SYNE1: variants seen among roughly 807,000 people sequenced by gnomAD.
SYNE1 encodes nesprin-1.
SYNE1 carries 616 observed loss-of-function variants against 1,111.0 expected under a neutral mutation model. That is an observed-to-expected ratio of 0.55 (90% CI 0.52 to 0.59). The LOEUF (loss-of-function observed/expected upper bound fraction) is 0.59. SYNE1 is among the 20% of genes least tolerant of loss of function. The pLI is 0.00. For missense variants in SYNE1, 10,006 were observed against 10,417.0 expected, an observed-to-expected ratio of 0.96 and a Z score of 1.72; for synonymous variants, 3,855 against 3,825.8, an observed-to-expected ratio of 1.01 and a Z score of -0.28.
chr6:152,284,979 G>A (rs1020581188), intron 95 of SYNE1, among the ~76,000 whole-genome samples: 10 of 151,934 alleles, frequency 6.6e-5, no homozygotes, highest in African/African-American at 9.7e-5. Context: ...GGTCTCTCCC[G>A]GGTGATGTCT....
At chr6:152,527,054 T>G (rs2099166909) in intron 4 of SYNE1, among the ~76,000 whole-genome samples, 1 of 152,236 alleles carries the variant, frequency 6.6e-6, no homozygotes. Flanking sequence ...AATCAGAATT[T>G]GTTTTCCATT....
At position 152,262,136 on chromosome 6, in the gene SYNE1, A is replaced by G. The variant is rs1248378402; in HGVS notation, c.18868T>C (p.Ser6290Pro). Reference protein sequence around the residue: ...QELGMEGEKSSAEDQMRMKWE... With the variant: ...QELGMEGEKSPAEDQMRMKWE... Reference sequence around the variant, plus strand: ...TTCATTCTCATCTGGTCTTCAGCGGATGATTTCTCCCCTTCCATCCCCAAC... The same window carrying G: ...TTCATTCTCATCTGGTCTTCAGCGGGTGATTTCTCCCCTTCCATCCCCAAC... Residue 6290 changes from serine (S) to proline (P), a missense_variant, in exon 101 of 146, where the codon TCC becomes CCC. Physicochemically the swap from Ser to Pro is moderately conservative, Grantham distance 74. Around this residue, in one of 7 missense-constraint regions of SYNE1, gnomAD observed 2,182 missense variants for 2,287.8 expected, o/e 0.95. Transcript: ENST00000367255. The G allele has an allele frequency of 6.2e-7, 1 of 1,613,896 alleles. No homozygotes were observed. The highest frequency in any genetic ancestry group is 2.2e-5 in the East Asian group (1 of 44,844).
At chr6:152,536,364 ATATATATATAGTAATATATATATATT>A (rs1398171724) in intron 4 of SYNE1, among the ~76,000 whole-genome samples, 4 of 88,052 alleles carry the variant, frequency 4.5e-5, no homozygotes, top group African/African-American at 1.7e-4. Flanking sequence ...TAGTATACTA[ATATATATATAGTAATATATATATATT>A]TATATATATA....
intron 3 of SYNE1, among the ~76,000 whole-genome samples, chr6:152,588,202 G>A (rs556435961): frequency 2.6e-5 from 4 of 152,230 alleles, no homozygotes; most frequent in South Asian, 2.1e-4. Context: ...TAGGACTAAG[G>A]TGGGCAGCAG....
At position 152,409,662 on chromosome 6, in the gene SYNE1, T is replaced by A. The variant is rs193184131; in HGVS notation, c.6278A>T (p.Asn2093Ile). The change falls in exon 43 of 146, where the codon AAC becomes ATC. Residue 2093 changes from asparagine (N) to isoleucine (I), a missense_variant. Physicochemically the swap from Asn to Ile is moderately radical, Grantham distance 149 (BLOSUM62 -3). This residue lies in a region of SYNE1 where 4,955 missense variants were observed against 5,017.2 expected (regional missense o/e 0.99). Coordinates refer to ENST00000367255, the MANE Select transcript of SYNE1 (RefSeq NM_182961.4). ...GACTTTAGATACAGCTGATTTCAGG[T>A]TCTGATATTCTCTCATTAAGTCAAT... ...GLIDLMREYQNLKSAVSKVLE... is the reference protein window; with the variant it reads ...GLIDLMREYQILKSAVSKVLE... 6 of 1,613,866 alleles carry A rather than the reference T, an allele frequency of 3.7e-6. No individual in the cohort carries two copies. Among genetic ancestry groups the A allele is most frequent in the Middle Eastern group, 1.7e-4 (1 of 6,044 alleles).
chr6:152,553,332 T>A (rs1350672754), intron 3 of SYNE1, among the ~76,000 whole-genome samples: 1 of 152,170 alleles, frequency 6.6e-6, no homozygotes, highest in African/African-American at 2.4e-5. Flanking sequence ...TATCTGGAGA[T>A]AGGCAATGTA....
At chr6:152,381,478 A>T in intron 55 of SYNE1, 116 bp from the exon 56 acceptor site, 4 of 982,020 alleles carry the variant, frequency 4.1e-6, no homozygotes, top group Non-Finnish European at 4.8e-6. Flanking sequence ...CAAGTGTGCC[A>T]CAAGGACCCA....
intron 22 of SYNE1, 94 bp downstream of exon 22, chr6:152,458,663 C>G: frequency 1.5e-6 from 2 of 1,358,336 alleles, no homozygotes; most frequent in Non-Finnish European, 2.1e-6. Context: ...AAAAATGTTT[C>G]TTGTCCTCAC....
Position 152,155,358 on chromosome 6 carries a change from T to G in SYNE1, c.23979-316A>C, listed in dbSNP as rs572291703. ...AAGTTTAGAAAAGCAACACCAGGTTTACAGTGTGCACTCAGGCCAGTGTCT... is the reference window on the plus strand; with the variant it reads ...AAGTTTAGAAAAGCAACACCAGGTTGACAGTGTGCACTCAGGCCAGTGTCT... On this transcript the variant is annotated intron_variant, in intron 132 of 145. Coordinates refer to ENST00000367255, the MANE Select transcript of SYNE1 (RefSeq NM_182961.4). 3.7e-5 allele frequency: 14 copies of G among 377,282 alleles called. No individual in the cohort carries two copies. In the East Asian group the frequency reaches 7.9e-4, roughly 21 times the overall value. 23.4% of individuals were successfully genotyped at this position (377,282 alleles called of 1,614,324 possible).
At chr6:152,401,108 G>A (rs1199901844) in intron 47 of SYNE1, 30 bp downstream of exon 47, 1 of 1,599,574 alleles carries the variant, frequency 6.3e-7, no homozygotes, top group South Asian at 1.1e-5. Flanking sequence ...CCATTTGAAT[G>A]GAAGCACTTA....
rs763571616 is a variant in SYNE1, at chr6:152,369,022, T to C, written c.9757A>G (p.Arg3253Gly). 6.2e-7 allele frequency: 1 copy of C among 1,614,098 alleles called. No homozygotes were observed. The highest frequency in any genetic ancestry group is 8.5e-7 in the Non-Finnish European group (1 of 1,180,042). The change falls in exon 61 of 146, where the codon AGA (arginine) becomes GGA (glycine). Residue 3253 changes from arginine to glycine, a missense_variant. By Grantham distance (125) the Arg-to-Gly change is moderately radical (BLOSUM62 -2). Around this residue, in one of 7 missense-constraint regions of SYNE1, gnomAD observed 4,955 missense variants for 5,017.2 expected, o/e 0.99. Transcript: ENST00000367255. The stretch of plus-strand genomic sequence containing the variant: ...TACTGAGAAGACAGCTGCGACACTC[T>C]GTGCCTAAAGCTCTTGCTGGCAGCT... ...GQAASKSFRH[R>G]VSQLSSQYLA...
chr6:152,511,119 A>G lies in SYNE1; in HGVS notation c.310-16T>C. On this transcript the variant is annotated splice_polypyrimidine_tract_variant and intron_variant, in intron 6 of 145. Transcript: ENST00000367255. ...CTAATTTAATCTGTTTAAAAAAGAG[A>G]AACTGTACTAGTAATGTACTAGAAT... 1 of 1,594,594 alleles carries G rather than the reference A, an allele frequency of 6.3e-7. No homozygotes were observed. Among genetic ancestry groups the G allele is most frequent in the Non-Finnish European group, 8.6e-7 (1 of 1,162,268 alleles).
intron 3 of SYNE1, among the ~76,000 whole-genome samples, chr6:152,542,478 C>A (rs999536499): frequency 1.3e-5 from 2 of 152,022 alleles, no homozygotes; most frequent in Non-Finnish European, 1.5e-5. Context: ...TTTTAATTAT[C>A]ATTTATTTAT....
At position 152,151,650 on chromosome 6, in the gene SYNE1, T is replaced by TCCC. The variant is rs781265723; in HGVS notation, c.24350_24352dup (p.Arg8117_Asp8118insGly). ...CTCTGTGAGCCAGACCAGAATGCTG[T>TCCC]CCCGCGCAGTCTCAAACTCCTCACG... On this transcript the variant is annotated inframe_insertion, in exon 135 of 146. Transcript: ENST00000367255. The TCCC allele has an allele frequency of 1.2e-6, 2 of 1,614,128 alleles. No individual in the cohort carries two copies. Among genetic ancestry groups the TCCC allele is most frequent in the Admixed American group, 3.3e-5 (2 of 60,018 alleles).
intron 95 of SYNE1, among the ~76,000 whole-genome samples, chr6:152,287,278 T>G (rs553589041): frequency 1.3e-5 from 2 of 151,044 alleles, no homozygotes; most frequent in East Asian, 4.0e-4. Context: ...TTCTTCTTTT[T>G]TTCACCCATT....
intron 73 of SYNE1, among the ~76,000 whole-genome samples, chr6:152,345,052 C>T (rs2096606499): frequency 6.6e-6 from 1 of 152,130 alleles, no homozygotes; most frequent in Admixed American, 6.5e-5. Context: ...TCACTTTCGT[C>T]TGACATTGGG....
At chr6:152,161,832 G>C (rs966813515) in intron 131 of SYNE1, among the ~76,000 whole-genome samples, 1 of 152,134 alleles carries the variant, frequency 6.6e-6, no homozygotes, top group African/African-American at 2.4e-5. Context: ...CTTTTTGCTT[G>C]TCTGATCAGT....
chr6:152,534,871 A>G (rs1475995542), intron 4 of SYNE1, among the ~76,000 whole-genome samples: 2 of 152,228 alleles, frequency 1.3e-5, no homozygotes, highest in South Asian at 4.1e-4. Flanking sequence ...ATTAGCATGG[A>G]TTTGTTTTTA....
intron 137 of SYNE1, chr6:152,145,259 A>G: frequency 1.7e-6 from 1 of 584,428 alleles, no homozygotes; most frequent in Non-Finnish European, 3.1e-6. Context: ...TAATGAGACC[A>G]ATCACCATTT....
Sources: gnomAD v4.1 joint callset for allele counts (sites outside exome capture counted in the v4.1 genomes callset) on GRCh38, gnomAD v4.1.1 for gene constraint, gnomAD v4.1.1 regional missense constraint, MANE v1.5 for transcripts, NCBI Gene and HGNC (gene_info 2026-07-23, HGNC 2026-07-21) for gene names.